The following ITGA8 variants were observed in gnomAD, a reference collection of about 807,000 sequenced individuals.
The protein encoded by ITGA8 is integrin subunit alpha 8, also known as integrin alpha-8.
A neutral mutation model predicts 142.3 loss-of-function variants in ITGA8; 91 were observed. The observed-to-expected ratio is 0.64, with a 90% CI of 0.54 to 0.76. ITGA8 has a LOEUF of 0.76. Among genes scored for constraint, ITGA8 ranks in the 30% least tolerant of loss-of-function variants. The probability of loss-of-function intolerance (pLI) is 0.00; values close to 1 mark genes in which losing one functional copy is unlikely to be tolerated. For missense variants in ITGA8, 1,406 were observed against 1,327.7 expected (o/e 1.06, Z -0.92); for synonymous variants, 505 against 485.2 (o/e 1.04, Z -0.54).
chr10:15,606,475 T>A, intron 17 of ITGA8, 53 bp from the exon 18 acceptor site: 1 of 1,541,674 alleles, frequency 6.5e-7, no homozygotes, highest in African/African-American at 1.4e-5. Flanking sequence ...AGCTGCAAGA[T>A]GTCAGTCTGC....
At chr10:15,577,433 T>C (rs888714295) in intron 23 of ITGA8, among the ~76,000 whole-genome samples, 1 of 152,128 alleles carries the variant, frequency 6.6e-6, no homozygotes, top group Non-Finnish European at 1.5e-5. Flanking sequence ...CTATTTCTAA[T>C]ATAAAATGCA....
intron 25 of ITGA8, among the ~76,000 whole-genome samples, chr10:15,567,841 C>T (rs748240295): frequency 3.3e-5 from 5 of 152,162 alleles, no homozygotes; most frequent in African/African-American, 7.2e-5. Context: ...CCTTCCCTCA[C>T]GCCCTAAGGG....
chr10:15,575,139 A>C (rs1467922115), intron 24 of ITGA8, among the ~76,000 whole-genome samples: 1 of 152,158 alleles, frequency 6.6e-6, no homozygotes, highest in Non-Finnish European at 1.5e-5. Context: ...CTGTAGTTAT[A>C]GCACTGTGAG....
intron 29 of ITGA8, among the ~76,000 whole-genome samples, chr10:15,518,753 G>A (rs1398907506): frequency 1.3e-5 from 2 of 152,132 alleles, no homozygotes; most frequent in Non-Finnish European, 2.9e-5. Flanking sequence ...TCCCAGTGGA[G>A]ACAAACTAAT....
chr10:15,700,206 A>G (rs1036238917), intron 2 of ITGA8, among the ~76,000 whole-genome samples: 2 of 152,218 alleles, frequency 1.3e-5, no homozygotes, highest in Non-Finnish European at 2.9e-5. Flanking sequence ...TTGCCCCCAC[A>G]GCACTTACTG....
At position 15,556,018 on chromosome 10, in the gene ITGA8, CTTTTTTTTT is replaced by C. The variant is rs869241754; in HGVS notation, c.2766+2047_2766+2055del. Among the ~76,000 whole-genome samples, 15 of 53,634 alleles carry C rather than the reference CTTTTTTTTT, an allele frequency of 2.8e-4. No individual in the cohort carries two copies. In the South Asian group the frequency reaches 6.6e-3, roughly 24 times the overall value. 35.2% of individuals were successfully genotyped at this position (53,634 alleles called of 152,430 possible). A position where few individuals can be genotyped will look rare whatever the true frequency, so the allele number is the denominator to read the frequency against. On this transcript the variant is annotated intron_variant, in intron 26 of 29. Coordinates refer to ENST00000378076, the MANE Select transcript of ITGA8 (RefSeq NM_003638.3). ...GTCTTCTGCCAGGGTCTCTCTCTCT[CTTTTTTTTT>C]TTTTTTTTTTTTTTTTTGAGACCAA... is the stretch of plus-strand genomic sequence containing the variant.
At chr10:15,653,819 CTTTTCTTTTTTCT>C (rs982905139) in intron 11 of ITGA8, among the ~76,000 whole-genome samples, 24 of 116,620 alleles carry the variant, frequency 2.1e-4, no homozygotes, top group Non-Finnish European at 1.7e-4. Context: ...TGTGTTTTTT[CTTTTCTTTTTTCT>C]TTTTTTTTTT....
intron 19 of ITGA8, 25 bp downstream of exon 19, chr10:15,605,699 T>C (rs2131609015): frequency 6.3e-7 from 1 of 1,579,892 alleles, no homozygotes; most frequent in Non-Finnish European, 8.7e-7. Context: ...AGATAGAAAG[T>C]ACACATTTAG....
intron 23 of ITGA8, among the ~76,000 whole-genome samples, chr10:15,580,440 A>G (rs932104772): frequency 1.3e-5 from 2 of 152,296 alleles, no homozygotes; most frequent in Admixed American, 6.5e-5. Flanking sequence ...CGGAGCTAGC[A>G]TTCACCTGAT....
At chr10:15,575,789 G>T (rs1244959286) in intron 23 of ITGA8, among the ~76,000 whole-genome samples, 195 bp from the exon 24 acceptor site, 1 of 152,236 alleles carries the variant, frequency 6.6e-6, no homozygotes, top group African/African-American at 2.4e-5. Flanking sequence ...GAAACTGCTA[G>T]TGTAGGCTCT....
Position 15,719,774 on chromosome 10 carries a change from C to G in ITGA8, c.-3G>C. On this transcript the variant is annotated 5_prime_UTR_variant, in exon 1 of 30. Transcript: ENST00000378076. ...CCGCGGCTGGCCCCGGGCGACATCT[C>G]CCTCCGCCCCGGTGGGTGGCTGCTA... 3 of 950,130 alleles carry G rather than the reference C, an allele frequency of 3.2e-6. No homozygotes were observed. Among genetic ancestry groups the G allele is most frequent in the Non-Finnish European group, 4.0e-6 (3 of 744,286 alleles). The allele number at this position is 950,130 out of a possible 1,614,324, so 58.9% of individuals were successfully genotyped here.
intron 15 of ITGA8, among the ~76,000 whole-genome samples, chr10:15,609,933 T>A (rs1453068807): frequency 6.6e-6 from 1 of 151,970 alleles, no homozygotes; most frequent in Non-Finnish European, 1.5e-5. Flanking sequence ...CAAATGAACA[T>A]TTTTTTCCTT....
chr10:15,708,220 A>G (rs769426623), intron 2 of ITGA8, among the ~76,000 whole-genome samples: 1 of 152,154 alleles, frequency 6.6e-6, no homozygotes, highest in Non-Finnish European at 1.5e-5. Context: ...CCCCCCTTAG[A>G]TGACATTTTT....
At chr10:15,597,814 A>G (rs2131601791) in intron 20 of ITGA8, among the ~76,000 whole-genome samples, 1 of 152,318 alleles carries the variant, frequency 6.6e-6, no homozygotes, top group East Asian at 1.9e-4. Flanking sequence ...AGTATTTCAG[A>G]TGTAAAGAGA....
intron 20 of ITGA8, among the ~76,000 whole-genome samples, chr10:15,599,722 AG>A (rs10715351): frequency 0.82 from 123,911 of 151,884 alleles, 50,718 homozygotes; most frequent in South Asian, 0.89. Flanking sequence ...GCAGTTTGAG[AG>A]CAGTCTGGCC....
chr10:15,592,696 C>G (rs946120163), intron 21 of ITGA8, among the ~76,000 whole-genome samples: 8 of 152,184 alleles, frequency 5.3e-5, no homozygotes, highest in Middle Eastern at 3.2e-3. Context: ...CCTCAACTTC[C>G]CAGGCTCAAG....
At chr10:15,640,963 G>T (rs1465472670) in intron 13 of ITGA8, among the ~76,000 whole-genome samples, 1 of 152,166 alleles carries the variant, frequency 6.6e-6, no homozygotes, top group Admixed American at 6.5e-5. Context: ...GCAGATGATG[G>T]GTGTGAGCCA....
At chr10:15,529,695 G>A (rs1165768954) in intron 28 of ITGA8, among the ~76,000 whole-genome samples, 1 of 152,192 alleles carries the variant, frequency 6.6e-6, no homozygotes, top group Non-Finnish European at 1.5e-5. Flanking sequence ...AAATCAAGTG[G>A]TTAATTTAGA....
rs751189713 is a variant in ITGA8 at position 15,660,867 on chromosome 10, C to A, written c.891+12G>T. The A allele has an allele frequency of 6.8e-6, 11 of 1,609,370 alleles. No homozygotes were observed. The highest frequency in any genetic ancestry group is 1.7e-5 in the Admixed American group (1 of 59,974). ...AAATACCCTATTCCTGTAATGCATT[C>A]TCAGTACTCACATATCCAAAATTCT... On this transcript the variant is annotated intron_variant, in intron 9 of 29. Transcript: ENST00000378076.
Sources: allele counts gnomAD v4.1 joint callset (sites outside exome capture counted in the v4.1 genomes callset), GRCh38; gene constraint gnomAD v4.1.1; transcripts MANE v1.5; gene names NCBI Gene and HGNC (gene_info 2026-07-23, HGNC 2026-07-21).